Variants in CEP350 observed in about 807,000 individuals in gnomAD.
CEP350 encodes the protein centrosomal protein 350.
CEP350 carries 126 observed loss-of-function variants against 331.8 expected under a neutral mutation model. That is an observed-to-expected ratio of 0.38 (90% CI 0.33 to 0.44). CEP350 has a LOEUF of 0.44. CEP350 is among the 20% of genes least tolerant of loss of function. The pLI is 1.00. For missense variants in CEP350, 3,406 were observed against 3,634.6 expected (o/e 0.94, Z 1.62); for synonymous variants, 1,200 against 1,259.5 (o/e 0.95, Z 1.00).
rs752910439 is a variant in CEP350, at chr1:180,003,219, T to A, written c.1064T>A (p.Val355Glu). 1 of 1,613,472 alleles carries A rather than the reference T, an allele frequency of 6.2e-7. No individual in the cohort carries two copies. The highest frequency in any genetic ancestry group is 1.1e-5 in the South Asian group (1 of 90,942). ...AAGATTCGAACACCTGATGGGAAAGTGTGGCAGGAGGCTGAGTTTCAAAAC... is the reference window on the plus strand; with the variant it reads ...AAGATTCGAACACCTGATGGGAAAGAGTGGCAGGAGGCTGAGTTTCAAAAC... ...ETKIRTPDGK[V>E]WQEAEFQNMS... Residue 355 changes from valine (V) to glutamate (E), a missense_variant, in exon 7 of 38, where the codon GTG becomes GAG. Transcript: ENST00000367607.
Position 180,111,290 on chromosome 1 carries a change from T to TTTTTA in CEP350, c.*129_*130insTTTTA. 1 of 1,115,854 alleles carries TTTTTA rather than the reference T, an allele frequency of 9.0e-7. No individual in the cohort carries two copies. Among genetic ancestry groups the TTTTTA allele is most frequent in the Admixed American group, 2.6e-5 (1 of 38,446 alleles). 69.1% of individuals were successfully genotyped at this position (1,115,854 alleles called of 1,614,324 possible). ...TGTACTTATTCTTAAAGACTACCAG[T>TTTTTA]ATGGAGTTCATAGGACAATGTGGTA... On this transcript the variant is annotated 3_prime_UTR_variant, in exon 38 of 38. Transcript: ENST00000367607.
chr1:180,110,912 T>A, intron 37 of CEP350, 85 bp from the exon 38 acceptor site: 3 of 1,138,196 alleles, frequency 2.6e-6, no homozygotes, highest in Non-Finnish European at 3.9e-6. Flanking sequence ...TGTATTCCTA[T>A]GGATAGGACT....
At chr1:180,061,222 G>GTC (rs1487008285) in intron 25 of CEP350, among the ~76,000 whole-genome samples, 1 of 148,582 alleles carries the variant, frequency 6.7e-6, no homozygotes, top group African/African-American at 2.5e-5. Flanking sequence ...TTGAGACAGG[G>GTC]TCTCACTCTG....
At chr1:180,021,252 T>C (rs1655302849) in intron 12 of CEP350, among the ~76,000 whole-genome samples, 1 of 152,198 alleles carries the variant, frequency 6.6e-6, no homozygotes, top group South Asian at 2.1e-4. Flanking sequence ...GACTGGTAGC[T>C]TTAGAAATTT....
intron 6 of CEP350, among the ~76,000 whole-genome samples, chr1:180,002,140 A>G (rs1440054651): frequency 1.3e-5 from 2 of 152,210 alleles, no homozygotes; most frequent in Non-Finnish European, 2.9e-5. Context: ...ACCCCAATAC[A>G]TTGCTGGTGA....
chr1:180,046,589 A>G lies in CEP350; in HGVS notation c.4623-1947A>G, dbSNP rs1472625151. On this transcript the variant is annotated intron_variant, in intron 21 of 37. Transcript: ENST00000367607. ...ATATGTTTTCATTTCTCTTGAGTATATATTTAGGAATGGAATTGCTGGGTC... is the reference window on the plus strand; with the variant it reads ...ATATGTTTTCATTTCTCTTGAGTATGTATTTAGGAATGGAATTGCTGGGTC... Among the ~76,000 whole-genome samples the G allele has an allele frequency of 6.6e-5, 10 of 152,314 alleles. No homozygotes were observed. In the East Asian group the frequency reaches 1.9e-3, roughly 29 times the overall value.
intron 9 of CEP350, 45 bp from the exon 10 acceptor site, chr1:180,013,802 T>G: frequency 4.1e-6 from 6 of 1,480,302 alleles, no homozygotes; most frequent in Non-Finnish European, 5.5e-6. Context: ...ATCTTAGGAA[T>G]GAGTATAGAA....
chr1:180,107,359 A>C (rs1661199917), intron 37 of CEP350, among the ~76,000 whole-genome samples: 1 of 152,190 alleles, frequency 6.6e-6, no homozygotes, highest in Non-Finnish European at 1.5e-5. Context: ...TTGCAGGTTG[A>C]GAGCTGTCCT....
At position 180,041,125 on chromosome 1, in the gene CEP350, C is replaced by G; in HGVS notation, c.4111-13C>G. On this transcript the variant is annotated splice_polypyrimidine_tract_variant and intron_variant, in intron 17 of 37. Coordinates refer to ENST00000367607, the MANE Select transcript of CEP350 (RefSeq NM_014810.5). ...TCGTATCTGAGAATTAACATTTGAC[C>G]ATTATTTTGAAGGCACAACAGCAAC... 2.6e-6 allele frequency: 4 copies of G among 1,564,048 alleles called. No individual in the cohort carries two copies. Among genetic ancestry groups the G allele is most frequent in the Non-Finnish European group, 3.5e-6 (4 of 1,150,738 alleles).
intron 27 of CEP350, among the ~76,000 whole-genome samples, chr1:180,068,079 C>T (rs1426280831): frequency 6.6e-6 from 1 of 152,168 alleles, no homozygotes; most frequent in Non-Finnish European, 1.5e-5. Flanking sequence ...AAAGAGTAGT[C>T]GTCCTTCTCA....
At chr1:180,074,518 C>T (rs1482418113) in intron 27 of CEP350, among the ~76,000 whole-genome samples, 1 of 152,060 alleles carries the variant, frequency 6.6e-6, no homozygotes, top group African/African-American at 2.4e-5. Flanking sequence ...CAAAGCCAGG[C>T]AGAAATTTAA....
chr1:180,026,778 A>G (rs75508984), intron 14 of CEP350, among the ~76,000 whole-genome samples: 12,688 of 152,220 alleles, frequency 0.083, 705 homozygotes, highest in Non-Finnish European at 0.12. Context: ...CCGTTCATCT[A>G]TGTTGCAGCA....
At position 180,048,546 on chromosome 1, in the gene CEP350, G is replaced by A; in HGVS notation, c.4633G>A (p.Gly1545Ser). The A allele has an allele frequency of 6.2e-7, 1 of 1,601,568 alleles. No individual in the cohort carries two copies. Among genetic ancestry groups the A allele is most frequent in the Non-Finnish European group, 8.5e-7 (1 of 1,172,232 alleles). Residue 1545 changes from glycine (G) to serine (S), a missense_variant, in exon 22 of 38, where the codon GGT becomes AGT. Physicochemically the swap from Gly to Ser is moderately conservative, Grantham distance 56. Transcript: ENST00000367607. ...YKNHDRRSSSGSSRQESPSVP... is the reference protein window; with the variant it reads ...YKNHDRRSSSSSSRQESPSVP... ...TGTATCCATAAAAAGAAGTAGCAGT[G>A]GTAGCAGCCGCCAAGAAAGTCCTTC...
intron 1 of CEP350, among the ~76,000 whole-genome samples, chr1:179,978,267 A>G (rs535156194): frequency 1.3e-5 from 2 of 152,318 alleles, no homozygotes; most frequent in Non-Finnish European, 2.9e-5. Flanking sequence ...AAAAATTTAA[A>G]TTGACACAAT....
intron 1 of CEP350, among the ~76,000 whole-genome samples, chr1:179,979,479 C>T (rs1395037934): frequency 1.4e-5 from 2 of 143,676 alleles, no homozygotes; most frequent in African/African-American, 5.1e-5. Flanking sequence ...CAAATATTTC[C>T]TCCAATTTTT....
At chr1:180,062,509 T>C in intron 26 of CEP350, 143 bp downstream of exon 26, 1 of 1,145,540 alleles carries the variant, frequency 8.7e-7, no homozygotes, top group Non-Finnish European at 1.1e-6. Flanking sequence ...TGGGCCAGTC[T>C]TAGTCCATTT....
chr1:179,968,672 T>A (rs1449816072), intron 1 of CEP350: 7 of 477,800 alleles, frequency 1.5e-5, no homozygotes, highest in Non-Finnish European at 2.8e-5. Flanking sequence ...ACTTTTACAA[T>A]ATCCAGAGGC....
Position 180,094,592 on chromosome 1 carries a change from C to G in CEP350, c.8487C>G (p.Ser2829=). Residue 2829 remains serine (S), a synonymous_variant, in exon 34 of 38, where the codon TCC becomes TCG. Coordinates refer to ENST00000367607, the MANE Select transcript of CEP350 (RefSeq NM_014810.5). The stretch of plus-strand genomic sequence containing the variant: ...TGGAAGATGAAAAAGAAGAGATTTC[C>G]TCTCCAGATATGTGTCCCAGACCGG... ...SELEDEKEEI[S]SPDMCPRPES... The G allele has an allele frequency of 1.9e-6, 3 of 1,613,670 alleles. No individual in the cohort carries two copies. The highest frequency in any genetic ancestry group is 2.2e-5 in the East Asian group (1 of 44,868).
At chr1:180,063,628 A>G (rs937455936) in intron 26 of CEP350, among the ~76,000 whole-genome samples, 1 of 151,812 alleles carries the variant, frequency 6.6e-6, no homozygotes, top group Admixed American at 6.6e-5. Flanking sequence ...CCTGGGCAAC[A>G]GGGCGAAACT....
Sources: gnomAD v4.1 joint callset for allele counts (sites outside exome capture counted in the v4.1 genomes callset) on GRCh38, gnomAD v4.1.1 for gene constraint, MANE v1.5 for transcripts, NCBI Gene and HGNC (gene_info 2026-07-23, HGNC 2026-07-21) for gene names.